The following SLC7A6 variants were observed in gnomAD, a reference collection of about 807,000 sequenced individuals.
SLC7A6 encodes Y+L amino acid transporter 2.
SLC7A6 carries 29 observed loss-of-function variants against 46.6 expected under a neutral mutation model. That is an observed-to-expected ratio of 0.62 (90% CI 0.46 to 0.85). The LOEUF is 0.85. Among genes scored for constraint, SLC7A6 ranks in the 40% least tolerant of loss-of-function variants. The probability of loss-of-function intolerance (pLI) is 0.00; values close to 1 mark genes in which losing one functional copy is unlikely to be tolerated. For missense variants in SLC7A6, 527 were observed against 647.6 expected, an observed-to-expected ratio of 0.81 and a Z score of 2.02; for synonymous variants, 276 against 257.3, an observed-to-expected ratio of 1.07 and a Z score of -0.70.
Position 68,297,514 on chromosome 16 carries a change from A to T in SLC7A6, c.*186A>T. ...AGACTCAGGATCTGGGCCAACCTCA[A>T]GGTGGGGGCTTCAGAGGGTGGGGGG... On this transcript the variant is annotated 3_prime_UTR_variant, in exon 11 of 11. Transcript: ENST00000219343. 3.5e-4 allele frequency: 60 copies of T among 173,474 alleles called. No individual in the cohort carries two copies. Among genetic ancestry groups the T allele is most frequent in the East Asian group, 9.7e-4 (6 of 6,202 alleles). The allele number at this position is 173,474 out of a possible 1,614,324, so 10.7% of individuals were successfully genotyped here. A position where few individuals can be genotyped will look rare whatever the true frequency, so the allele number is the denominator to read the frequency against.
rs1596975662 is a variant in SLC7A6, at chr16:68,275,331, C to T, written c.523+82C>T. On this transcript the variant is annotated intron_variant, in intron 3 of 10. Transcript: ENST00000219343. ...GTACTTTAGGCCGGGCGCGGTGGCT[C>T]ATGCCTATAATCCCAGCACTTTGGG... The T allele has an allele frequency of 8.5e-6, 13 of 1,525,738 alleles. No homozygotes were observed. In the East Asian group the frequency reaches 1.4e-4, roughly 16 times the overall value. The allele number at this position is 1,525,738 out of a possible 1,614,324, so 94.5% of individuals were successfully genotyped here.
intron 3 of SLC7A6, among the ~76,000 whole-genome samples, chr16:68,279,749 T>C (rs1219548598): frequency 6.6e-6 from 1 of 152,106 alleles, no homozygotes; most frequent in Non-Finnish European, 1.5e-5. Context: ...ATATTGGCCA[T>C]ACTGGTCTCG....
At chr16:68,277,945 A>ATTATTT (rs386384974) in intron 3 of SLC7A6, among the ~76,000 whole-genome samples, 24 of 148,350 alleles carry the variant, frequency 1.6e-4, no homozygotes, top group Non-Finnish European at 3.3e-4. Context: ...TATTATTATT[A>ATTATTT]TTTTTCTTTT....
chr16:68,278,295 A>G (rs546087342), intron 3 of SLC7A6, among the ~76,000 whole-genome samples: 1 of 147,834 alleles, frequency 6.8e-6, no homozygotes, highest in Admixed American at 6.8e-5. Context: ...TAGGTTGTAT[A>G]CTGCTTTATA....
chr16:68,301,217 C>T lies in SLC7A6; in HGVS notation c.*3889C>T. Reference sequence around the variant, plus strand: ...AACAGGATGTCAGCAGGGCAGTTAACTCTGGACTCAGAGCCCTCAAGGGCA... The same window carrying T: ...AACAGGATGTCAGCAGGGCAGTTAATTCTGGACTCAGAGCCCTCAAGGGCA... On this transcript the variant is annotated 3_prime_UTR_variant, in exon 11 of 11. Transcript: ENST00000219343. 2 of 1,583,414 alleles carry T rather than the reference C, an allele frequency of 1.3e-6. No homozygotes were observed. The highest frequency in any genetic ancestry group is 1.7e-6 in the Non-Finnish European group (2 of 1,161,398).
intron 1 of SLC7A6, chr16:68,265,497 C>T (rs956134959): frequency 4.6e-5 from 7 of 152,168 alleles, no homozygotes; most frequent in African/African-American, 1.7e-4. Flanking sequence ...CAGGGCAGCT[C>T]ATCTCGCAGG....
intron 3 of SLC7A6, among the ~76,000 whole-genome samples, chr16:68,286,130 AATAAAATGAT>A (rs1215306151): frequency 1.3e-5 from 2 of 151,844 alleles, no homozygotes; most frequent in African/African-American, 4.8e-5. Context: ...AAAGAAGGAA[AATAAAATGAT>A]ATACTGCTGT....
chr16:68,275,244 G>C lies in SLC7A6; in HGVS notation c.518G>C (p.Cys173Ser). 6.2e-7 allele frequency: 1 copy of C among 1,610,470 alleles called. No homozygotes were observed. The highest frequency in any genetic ancestry group is 1.1e-5 in the South Asian group (1 of 90,994). The change falls in exon 3 of 11, where the codon TGC (cysteine) becomes TCC (serine). Residue 173 changes from cysteine to serine, a missense_variant. Transcript: ENST00000219343. ...GCCTGCCGTCTCCTGGCTGCTGCTT[G>C]CATATGTAAGTGGGGGCTGAGATTG... ...YLACRLLAAA[C>S]ICLLTFVNCA... is the part of the protein sequence containing the mutation.
chr16:68,287,799 G>A lies in SLC7A6; in HGVS notation c.577G>A (p.Asp193Asn), dbSNP rs2042968665. 3 of 1,614,210 alleles carry A rather than the reference G, an allele frequency of 1.9e-6. No homozygotes were observed. Among genetic ancestry groups the A allele is most frequent in the South Asian group, 1.1e-5 (1 of 91,080 alleles). ...TGTCAAGTGGGGCACACGTGTGCAG[G>A]ACACGTTCACTTACGCCAAGGTCGT... ...AYVKWGTRVQ[D>N]TFTYAKVVAL... The change falls in exon 4 of 11, where the codon GAC (aspartate) becomes AAC (asparagine). Residue 193 changes from aspartate to asparagine, a missense_variant. Asp to Asn is a conservative substitution (Grantham distance 23). Transcript: ENST00000219343.
At chr16:68,267,832 G>A (rs2042561501) in intron 2 of SLC7A6, among the ~76,000 whole-genome samples, 1 of 152,192 alleles carries the variant, frequency 6.6e-6, no homozygotes, top group African/African-American at 2.4e-5. Context: ...CCGGGGAGGG[G>A]AGAAAGGAGG....
intron 2 of SLC7A6, among the ~76,000 whole-genome samples, chr16:68,269,137 A>G (rs1567580632): frequency 2.6e-5 from 4 of 152,330 alleles, no homozygotes; most frequent in Admixed American, 2.6e-4. Context: ...TCTCACTGCT[A>G]AAGTTCCACA....
chr16:68,287,917 C>T, intron 4 of SLC7A6, 46 bp downstream of exon 4: 1 of 1,602,318 alleles, frequency 6.2e-7, no homozygotes, highest in Non-Finnish European at 8.5e-7. Flanking sequence ...CTCTGGATTC[C>T]CTGAGGAGAA....
At chr16:68,278,034 G>A (rs1017300829) in intron 3 of SLC7A6, among the ~76,000 whole-genome samples, 2 of 151,740 alleles carry the variant, frequency 1.3e-5, no homozygotes, top group African/African-American at 4.8e-5. Context: ...CTGGCTCACT[G>A]CATCCTCCAC....
rs1396161349 is a variant in SLC7A6 at position 68,299,110 on chromosome 16, C to G, written c.*1782C>G. On this transcript the variant is annotated 3_prime_UTR_variant, in exon 11 of 11. Coordinates refer to ENST00000219343, the MANE Select transcript of SLC7A6 (RefSeq NM_003983.6). ...TGGGATTTGTAACGGCAAATTCCTG[C>G]CCGACGACAGGGTGTCTTATGCAAA... 1 of 152,640 alleles carries G rather than the reference C, an allele frequency of 6.6e-6. No individual in the cohort carries two copies. The highest frequency in any genetic ancestry group is 1.5e-5 in the Non-Finnish European group (1 of 68,044). The allele number at this position is 152,640 out of a possible 1,614,324, so 9.5% of individuals were successfully genotyped here. A position where few individuals can be genotyped will look rare whatever the true frequency, so the allele number is the denominator to read the frequency against.
chr16:68,295,898 T>C (rs1256281775), intron 8 of SLC7A6, among the ~76,000 whole-genome samples: 1 of 152,178 alleles, frequency 6.6e-6, no homozygotes, highest in Admixed American at 6.5e-5. Context: ...TTCCATTATT[T>C]ATTGACATTA....
intron 3 of SLC7A6, among the ~76,000 whole-genome samples, chr16:68,286,425 ATGTG>A (rs2042935130): frequency 6.6e-6 from 1 of 152,116 alleles, no homozygotes; most frequent in South Asian, 2.1e-4. Flanking sequence ...ATTTCTTTTT[ATGTG>A]TGTGTACGGT....
At chr16:68,271,453 GTGCCA>G (rs56266914) in intron 2 of SLC7A6, among the ~76,000 whole-genome samples, 120,877 of 151,484 alleles carry the variant, frequency 0.8, 48,870 homozygotes, top group African/African-American at 0.94. Flanking sequence ...CTACAGGTGT[GTGCCA>G]TGCCACCATG....
At chr16:68,282,818 C>A (rs907803143) in intron 3 of SLC7A6, among the ~76,000 whole-genome samples, 3 of 152,134 alleles carry the variant, frequency 2.0e-5, no homozygotes, top group Non-Finnish European at 4.4e-5. Context: ...CGGGGTTTCA[C>A]CATACTGGCC....
At position 68,294,704 on chromosome 16, in the gene SLC7A6, G is replaced by A. The variant is rs778214762; in HGVS notation, c.1023-1G>A. On this transcript the variant is annotated splice_acceptor_variant, in intron 7 of 10. Transcript: ENST00000219343. LOFTEE classifies it high-confidence loss of function. Reference sequence around the variant, plus strand: ...TGCTGACACATTTCTCATCCTTCTAGGTTGTTCTTCGTGGGCTCCCGGGAG... The same window carrying A: ...TGCTGACACATTTCTCATCCTTCTAAGTTGTTCTTCGTGGGCTCCCGGGAG... The A allele has an allele frequency of 2.5e-6, 4 of 1,609,124 alleles. No individual in the cohort carries two copies. The highest frequency in any genetic ancestry group is 1.7e-6 in the Non-Finnish European group (2 of 1,175,428).
Sources: allele counts gnomAD v4.1 joint callset (sites outside exome capture counted in the v4.1 genomes callset), GRCh38; gene constraint gnomAD v4.1.1; transcripts MANE v1.5; gene names NCBI Gene and HGNC (gene_info 2026-07-23, HGNC 2026-07-21).